Variants in AMBRA1 observed in about 807,000 individuals in gnomAD.
The protein encoded by AMBRA1 is activating molecule in BECN1-regulated autophagy protein 1.
Under a neutral mutation model 125.4 loss-of-function variants are expected in AMBRA1, and 47 were observed. That is an observed-to-expected ratio of 0.37 (90% CI 0.30 to 0.48). The LOEUF is 0.48. Ranked by LOEUF, AMBRA1 falls within the 20% of genes least tolerant of loss-of-function variation. The pLI, the probability that AMBRA1 is intolerant of heterozygous loss-of-function variation, is 0.99. For synonymous variants in AMBRA1, 626 were observed against 655.5 expected (o/e 0.95, Z 0.69); for missense variants, 1,331 against 1,693.4 (o/e 0.79, Z 3.76).
At chr11:46,469,312 C>G (rs1949473498) in intron 11 of AMBRA1, among the ~76,000 whole-genome samples, 1 of 151,952 alleles carries the variant, frequency 6.6e-6, no homozygotes, top group African/African-American at 2.4e-5. Context: ...GTTTTTATAA[C>G]AGAATTTTTT....
intron 1 of AMBRA1, among the ~76,000 whole-genome samples, chr11:46,573,190 A>G (rs927887156): frequency 4.0e-5 from 6 of 151,682 alleles, no homozygotes; most frequent in South Asian, 2.1e-4. Context: ...TGATCACCTG[A>G]GGTCAGGAGT....
chr11:46,545,963 T>A (rs771081799), intron 4 of AMBRA1, 187 bp from the exon 5 acceptor site: 1 of 567,644 alleles, frequency 1.8e-6, no homozygotes, highest in Non-Finnish European at 3.1e-6. Flanking sequence ...ATAAATACTA[T>A]ACAATCAGTT....
intron 4 of AMBRA1, among the ~76,000 whole-genome samples, chr11:46,546,351 G>A (rs1289525753): frequency 6.6e-6 from 1 of 152,110 alleles, no homozygotes; most frequent in Non-Finnish European, 1.5e-5. Context: ...ACAGTTCCAT[G>A]CAAAGCCTGA....
At chr11:46,481,196 T>A (rs1950051786) in intron 11 of AMBRA1, among the ~76,000 whole-genome samples, 1 of 152,088 alleles carries the variant, frequency 6.6e-6, no homozygotes, top group Admixed American at 6.6e-5. Context: ...AACAGCTCTG[T>A]TTTGGAATGT....
chr11:46,519,387 T>C (rs1036272109), intron 7 of AMBRA1, among the ~76,000 whole-genome samples: 2 of 152,206 alleles, frequency 1.3e-5, no homozygotes, highest in African/African-American at 2.4e-5. Context: ...CTAGTCCATA[T>C]GGAATAAACA....
chr11:46,562,979 G>A (rs2135244561), intron 1 of AMBRA1, among the ~76,000 whole-genome samples: 1 of 152,096 alleles, frequency 6.6e-6, no homozygotes, highest in Admixed American at 6.5e-5. Context: ...TATATTTTTA[G>A]TGGAAACAGG....
rs753604365 is a variant in AMBRA1 at position 46,543,405 on chromosome 11, C to T, written c.619-7G>A. ...TCTCTGGTTCGTCATCACCCTGCAA[C>T]GTGGACCAGCATGGGGCAGGGGGTA... is the stretch of plus-strand genomic sequence containing the variant. On this transcript the variant is annotated splice_region_variant and splice_polypyrimidine_tract_variant and intron_variant, in intron 6 of 17. Coordinates refer to ENST00000683756, the MANE Select transcript of AMBRA1 (RefSeq NM_001387011.1). 5.6e-6 allele frequency: 9 copies of T among 1,613,272 alleles called. No homozygotes were observed. Among genetic ancestry groups the T allele is most frequent in the South Asian group, 3.3e-5 (3 of 91,072 alleles).
intron 7 of AMBRA1, among the ~76,000 whole-genome samples, chr11:46,539,653 G>A (rs532112105): frequency 6.6e-6 from 1 of 152,278 alleles, no homozygotes; most frequent in East Asian, 1.9e-4. Flanking sequence ...CTCACTCAGA[G>A]ACCTATTATA....
chr11:46,414,247 C>G (rs535650590), intron 15 of AMBRA1, among the ~76,000 whole-genome samples: 156 of 152,314 alleles, frequency 1.0e-3, no homozygotes, highest in African/African-American at 3.7e-3. Context: ...TGCCTGGTGT[C>G]TCTGCAGCGC....
intron 1 of AMBRA1, among the ~76,000 whole-genome samples, chr11:46,557,721 T>C (rs190431378): frequency 1.3e-5 from 2 of 152,274 alleles, no homozygotes; most frequent in Non-Finnish European, 2.9e-5. Flanking sequence ...GGTGGGAGGA[T>C]AGCCTGAGCC....
intron 12 of AMBRA1, among the ~76,000 whole-genome samples, chr11:46,441,007 C>G (rs552978794): frequency 6.6e-6 from 1 of 152,268 alleles, no homozygotes; most frequent in South Asian, 2.1e-4. Flanking sequence ...TAATGTACTA[C>G]AAGGTTTGGT....
intron 11 of AMBRA1, among the ~76,000 whole-genome samples, chr11:46,461,756 T>C (rs1339941445): frequency 6.6e-6 from 1 of 152,116 alleles, no homozygotes; most frequent in African/African-American, 2.4e-5. Context: ...AGCTATTGAG[T>C]GACATATGGT....
rs553400750 is a variant in AMBRA1, at chr11:46,476,095, T to C, written c.2521+17513A>G. ...GTGCCTGAAAACAATGACTGATGAG[T>C]CCACACAAACCAAACCTCCAACACA... On this transcript the variant is annotated intron_variant, in intron 11 of 17. Coordinates refer to ENST00000683756, the MANE Select transcript of AMBRA1 (RefSeq NM_001387011.1). 3.3e-5 allele frequency among the ~76,000 whole-genome samples: 5 copies of C among 152,056 alleles called. No homozygotes were observed. The South Asian group carries it at 1.0e-3, about 32-fold the overall frequency.
At chr11:46,471,115 C>T (rs1460642223) in intron 11 of AMBRA1, among the ~76,000 whole-genome samples, 1 of 152,128 alleles carries the variant, frequency 6.6e-6, no homozygotes, top group Non-Finnish European at 1.5e-5. Context: ...AACCATTTGC[C>T]CATGGTCTCC....
intron 9 of AMBRA1, among the ~76,000 whole-genome samples, chr11:46,496,159 G>T (rs1565218907): frequency 6.6e-6 from 1 of 151,770 alleles, no homozygotes. Flanking sequence ...GGATCACCTA[G>T]GGTCAGGAGT....
At chr11:46,439,724 T>G (rs989181481) in intron 12 of AMBRA1, among the ~76,000 whole-genome samples, 4 of 152,138 alleles carry the variant, frequency 2.6e-5, no homozygotes, top group African/African-American at 9.7e-5. Context: ...AAGCTCCTAT[T>G]ATAAGTTAAT....
intron 15 of AMBRA1, among the ~76,000 whole-genome samples, chr11:46,414,709 G>C (rs1338714282): frequency 6.6e-6 from 1 of 152,176 alleles, no homozygotes; most frequent in Non-Finnish European, 1.5e-5. Flanking sequence ...GTGCAGGTGG[G>C]GGAGCAGAGG....
At chr11:46,448,874 C>T (rs1156810048) in intron 11 of AMBRA1, among the ~76,000 whole-genome samples, 1 of 152,148 alleles carries the variant, frequency 6.6e-6, no homozygotes, top group Non-Finnish European at 1.5e-5. Context: ...TTGAAAGACA[C>T]AGTATATTAC....
intron 11 of AMBRA1, among the ~76,000 whole-genome samples, chr11:46,471,089 G>A (rs999165005): frequency 6.6e-6 from 1 of 152,178 alleles, no homozygotes; most frequent in Non-Finnish European, 1.5e-5. Flanking sequence ...AGGAAATTGA[G>A]GCTCAGATCA....
Sources: allele counts gnomAD v4.1 joint callset (sites outside exome capture counted in the v4.1 genomes callset), GRCh38; gene constraint gnomAD v4.1.1; transcripts MANE v1.5; gene names NCBI Gene and HGNC (gene_info 2026-07-23, HGNC 2026-07-21).